MED12L: variants seen among roughly 807,000 people sequenced by gnomAD.
MED12L encodes the protein mediator complex subunit 12L, also known as mediator of RNA polymerase II transcription subunit 12-like protein.
Under a neutral mutation model 281.3 loss-of-function variants are expected in MED12L, and 60 were observed. The observed-to-expected ratio is 0.21, with a 90% CI of 0.17 to 0.26. MED12L has a LOEUF of 0.26. Among genes scored for constraint, MED12L ranks in the 10% least tolerant of loss-of-function variants. The pLI, the probability that MED12L is intolerant of heterozygous loss-of-function variation, is 1.00. For synonymous variants in MED12L, 974 were observed against 987.2 expected (o/e 0.99, Z 0.25); for missense variants, 2,146 against 2,680.9 (o/e 0.80, Z 4.41).
intron 2 of MED12L, among the ~76,000 whole-genome samples, chr3:151,091,065 C>A (rs770408934): frequency 3.3e-5 from 5 of 151,886 alleles, no homozygotes; most frequent in African/African-American, 1.2e-4. Context: ...ACAACAACAA[C>A]AAAAAACAAC....
At chr3:151,248,042 C>T (rs546424611) in intron 16 of MED12L, among the ~76,000 whole-genome samples, 1 of 120,356 alleles carries the variant, frequency 8.3e-6, no homozygotes, top group Non-Finnish European at 1.6e-5. Flanking sequence ...TCTAAATTAT[C>T]TATTAGTCTA....
intron 20 of MED12L, among the ~76,000 whole-genome samples, chr3:151,358,845 G>A (rs940923547): frequency 2.6e-5 from 4 of 152,112 alleles, no homozygotes; most frequent in East Asian, 1.9e-4. Context: ...ACTACTATAC[G>A]ATGGATACCT....
At chr3:151,304,442 C>T (rs971007043) in intron 16 of MED12L, among the ~76,000 whole-genome samples, 14 of 152,060 alleles carry the variant, frequency 9.2e-5, no homozygotes, top group Non-Finnish European at 1.3e-4. Context: ...GGCATGGCAG[C>T]GTGCACCTGT....
intron 16 of MED12L, among the ~76,000 whole-genome samples, chr3:151,309,529 C>T (rs1036042750): frequency 6.6e-6 from 1 of 152,194 alleles, no homozygotes; most frequent in Non-Finnish European, 1.5e-5. Flanking sequence ...ACCCTCCTTA[C>T]CTTGCATTTT....
At chr3:151,107,470 T>G (rs1722218011) in intron 2 of MED12L, among the ~76,000 whole-genome samples, 1 of 152,182 alleles carries the variant, frequency 6.6e-6, no homozygotes, top group Non-Finnish European at 1.5e-5. Flanking sequence ...TCCCCTGGAC[T>G]TAGCAGAGTC....
chr3:151,362,403 A>G (rs572184818), intron 21 of MED12L, among the ~76,000 whole-genome samples: 2 of 152,034 alleles, frequency 1.3e-5, no homozygotes, highest in African/African-American at 2.4e-5. Context: ...TACTGATCAA[A>G]CACTCTAAGA....
intron 16 of MED12L, among the ~76,000 whole-genome samples, chr3:151,321,361 G>A (rs576130618): frequency 6.6e-6 from 1 of 152,250 alleles, no homozygotes; most frequent in East Asian, 1.9e-4. Context: ...TAGGGTTACT[G>A]TGTTCAGGAT....
intron 11 of MED12L, among the ~76,000 whole-genome samples, chr3:151,179,030 A>C (rs1219143353): frequency 6.6e-6 from 1 of 152,206 alleles, no homozygotes; most frequent in Non-Finnish European, 1.5e-5. Context: ...TAAATACTGT[A>C]GAAAACCTAT....
chr3:151,346,048 T>C (rs1274363461), intron 16 of MED12L, among the ~76,000 whole-genome samples: 1 of 152,206 alleles, frequency 6.6e-6, no homozygotes, highest in Non-Finnish European at 1.5e-5. Context: ...GCTTTCAGTT[T>C]TATCCCTGCA....
At chr3:151,362,515 C>A (rs532657821) in intron 21 of MED12L, among the ~76,000 whole-genome samples, 2 of 152,208 alleles carry the variant, frequency 1.3e-5, no homozygotes, top group East Asian at 3.9e-4. Context: ...ACGACTGTCT[C>A]CCTGAGCACA....
intron 2 of MED12L, among the ~76,000 whole-genome samples, chr3:151,104,170 C>T (rs1033775595): frequency 4.6e-5 from 7 of 151,942 alleles, no homozygotes; most frequent in East Asian, 1.9e-4. Flanking sequence ...GTATAGGTGA[C>T]GGTGGATGTA....
At chr3:151,101,008 G>T (rs1721321693) in intron 2 of MED12L, among the ~76,000 whole-genome samples, 1 of 152,066 alleles carries the variant, frequency 6.6e-6, no homozygotes, top group Non-Finnish European at 1.5e-5. Context: ...GAATTACCAG[G>T]AAAATGAAAT....
chr3:151,148,665 C>T (rs1452264629), intron 5 of MED12L, among the ~76,000 whole-genome samples: 1 of 152,154 alleles, frequency 6.6e-6, no homozygotes, highest in Non-Finnish European at 1.5e-5. Context: ...TAAAGATTTG[C>T]TCCTTAGTCT....
chr3:151,253,989 A>G (rs1267553414), intron 16 of MED12L, among the ~76,000 whole-genome samples: 2 of 120,262 alleles, frequency 1.7e-5, no homozygotes, highest in Non-Finnish European at 3.5e-5. Context: ...TTTTGTTTTG[A>G]TTTTTTCTTG....
chr3:151,319,737 T>G (rs1748766417), intron 16 of MED12L, among the ~76,000 whole-genome samples: 2 of 152,160 alleles, frequency 1.3e-5, no homozygotes, highest in South Asian at 2.1e-4. Flanking sequence ...ACCTCATTTA[T>G]TATTTATGAA....
chr3:151,326,822 A>T (rs946643035), intron 16 of MED12L: 1 of 152,106 alleles, frequency 6.6e-6, no homozygotes, highest in African/African-American at 2.4e-5. Context: ...TTTCTAGAAG[A>T]TGTAGACTCT....
chr3:151,221,270 T>C lies in MED12L; in HGVS notation c.2250+27604T>C, dbSNP rs1277348438. ...TTATAAGGGAAGCAGAGCTTAAAAG[T>C]TCAGAAAATTTGCAGCCTGACAATG... On this transcript the variant is annotated intron_variant, in intron 16 of 44. Transcript: ENST00000687756. Among the ~76,000 whole-genome samples the C allele has an allele frequency of 3.3e-5, 5 of 152,254 alleles. No individual in the cohort carries two copies. The East Asian group carries it at 9.7e-4, about 29-fold the overall frequency.
intron 16 of MED12L, chr3:151,295,185 G>C (rs1362204040): frequency 6.2e-7 from 1 of 1,609,918 alleles, no homozygotes; most frequent in East Asian, 2.2e-5. Context: ...CCTGAATTGT[G>C]ACTCTCTTGG....
chr3:151,270,853 A>G (rs1372108265), intron 16 of MED12L, among the ~76,000 whole-genome samples: 1 of 152,106 alleles, frequency 6.6e-6, no homozygotes, highest in East Asian at 1.9e-4. Flanking sequence ...AACCTGCAGG[A>G]TATTATTTAG....
Sources: gnomAD v4.1 joint callset for allele counts (sites outside exome capture counted in the v4.1 genomes callset) on GRCh38, gnomAD v4.1.1 for gene constraint, MANE v1.5 for transcripts, NCBI Gene and HGNC (gene_info 2026-07-23, HGNC 2026-07-21) for gene names.